CACNA2D1: variants seen among roughly 807,000 people sequenced by gnomAD.
The protein encoded by CACNA2D1 is calcium voltage-gated channel auxiliary subunit alpha2delta 1.
Under a neutral mutation model 171.5 loss-of-function variants are expected in CACNA2D1, and 53 were observed. That is an observed-to-expected ratio of 0.31 (90% CI 0.25 to 0.39). CACNA2D1 has a LOEUF of 0.39. Among genes scored for constraint, CACNA2D1 ranks in the 10% least tolerant of loss-of-function variants. The pLI, the probability that CACNA2D1 is intolerant of heterozygous loss-of-function variation, is 1.00. For synonymous variants in CACNA2D1, 442 were observed against 443.1 expected (o/e 1.00, Z 0.03); for missense variants, 903 against 1,299.8 (o/e 0.69, Z 4.69).
intron 3 of CACNA2D1, among the ~76,000 whole-genome samples, chr7:82,241,534 A>G (rs77612801): frequency 6.6e-6 from 1 of 152,272 alleles, no homozygotes; most frequent in East Asian, 1.9e-4. Flanking sequence ...TGTGGGATCA[A>G]TTTGGGGATT....
At chr7:81,952,714 C>T (rs1199176340) in intron 38 of CACNA2D1, among the ~76,000 whole-genome samples, 1 of 152,090 alleles carries the variant, frequency 6.6e-6, no homozygotes, top group African/African-American at 2.4e-5. Flanking sequence ...ACTTCTCTCT[C>T]CTTTCTTCTT....
intron 3 of CACNA2D1, among the ~76,000 whole-genome samples, chr7:82,203,094 G>T (rs1563197294): frequency 6.6e-6 from 1 of 152,278 alleles, no homozygotes; most frequent in East Asian, 1.9e-4. Context: ...CATGCAGGGA[G>T]TATAAAGCCT....
intron 1 of CACNA2D1, among the ~76,000 whole-genome samples, chr7:82,401,148 C>T (rs1346543987): frequency 2.0e-5 from 3 of 152,252 alleles, no homozygotes; most frequent in South Asian, 2.1e-4. Context: ...GTCAGTGTGG[C>T]GATTCCTCAG....
chr7:81,971,841 C>G lies in CACNA2D1; in HGVS notation c.2077G>C (p.Val693Leu). Residue 693 changes from valine (V) to leucine (L), a missense_variant, in exon 26 of 39, where the codon GTC (valine) becomes CTC (leucine). Val to Leu is a conservative substitution (Grantham distance 32). Transcript: ENST00000356860. ...PSCNADLINR[V>L]LLDAGFTNEL... ...TTTGTAAAGCCTGCATCAAGCAAGA[C>G]TCTATTAATCAAATCCGCGTTACCT... is the stretch of plus-strand genomic sequence containing the variant. 1 of 1,607,394 alleles carries G rather than the reference C, an allele frequency of 6.2e-7. No homozygotes were observed. Among genetic ancestry groups the G allele is most frequent in the Non-Finnish European group, 8.5e-7 (1 of 1,174,684 alleles).
chr7:82,401,597 C>G (rs920601121), intron 1 of CACNA2D1, among the ~76,000 whole-genome samples: 1 of 150,908 alleles, frequency 6.6e-6, no homozygotes, highest in African/African-American at 2.4e-5. Flanking sequence ...AGGAGATATA[C>G]CTAATGCTAG....
At chr7:82,329,135 A>G (rs1816985714) in intron 3 of CACNA2D1, among the ~76,000 whole-genome samples, 2 of 152,202 alleles carry the variant, frequency 1.3e-5, no homozygotes, top group Admixed American at 1.3e-4. Context: ...AAAGAAAAAA[A>G]AAACTATTTG....
At chr7:82,256,764 G>A (rs1368221637) in intron 3 of CACNA2D1, among the ~76,000 whole-genome samples, 1 of 152,118 alleles carries the variant, frequency 6.6e-6, no homozygotes, top group Non-Finnish European at 1.5e-5. Flanking sequence ...ATCATATTCT[G>A]ACAAAAGGAA....
At chr7:82,186,480 C>A (rs909169856) in intron 3 of CACNA2D1, among the ~76,000 whole-genome samples, 1 of 152,068 alleles carries the variant, frequency 6.6e-6, no homozygotes, top group African/African-American at 2.4e-5. Context: ...TGTTACAGAG[C>A]AAAGTTAAGG....
intron 3 of CACNA2D1, among the ~76,000 whole-genome samples, chr7:82,266,483 G>A (rs1807866697): frequency 6.6e-6 from 1 of 152,092 alleles, no homozygotes; most frequent in East Asian, 1.9e-4. Context: ...GTAGGTCAGT[G>A]CTTCCTAACA....
At chr7:82,318,568 C>T (rs1452125666) in intron 3 of CACNA2D1, among the ~76,000 whole-genome samples, 1 of 152,170 alleles carries the variant, frequency 6.6e-6, no homozygotes, top group African/African-American at 2.4e-5. Context: ...AATAAAAAGG[C>T]TAGACCCCTT....
At chr7:82,349,850 G>A (rs1030472771) in intron 1 of CACNA2D1, among the ~76,000 whole-genome samples, 1 of 152,186 alleles carries the variant, frequency 6.6e-6, no homozygotes, top group African/African-American at 2.4e-5. Flanking sequence ...AGGCTTTCAG[G>A]ATGCTGAAAT....
intron 10 of CACNA2D1, among the ~76,000 whole-genome samples, chr7:82,057,750 T>C (rs532364283): frequency 6.6e-6 from 1 of 152,086 alleles, no homozygotes; most frequent in Non-Finnish European, 1.5e-5. Flanking sequence ...AACCATGGAT[T>C]CATAGGCCCC....
intron 1 of CACNA2D1, among the ~76,000 whole-genome samples, chr7:82,373,441 C>T (rs1822644575): frequency 6.6e-6 from 1 of 152,188 alleles, no homozygotes; most frequent in African/African-American, 2.4e-5. Flanking sequence ...AAGCAAGCCT[C>T]AACCTTTATA....
At chr7:82,352,338 A>G (rs886992603) in intron 1 of CACNA2D1, among the ~76,000 whole-genome samples, 1 of 152,214 alleles carries the variant, frequency 6.6e-6, no homozygotes, top group African/African-American at 2.4e-5. Context: ...AAACACTCAT[A>G]TGAGCAAAAA....
chr7:82,417,441 G>C (rs2129456427), intron 1 of CACNA2D1, among the ~76,000 whole-genome samples: 1 of 152,288 alleles, frequency 6.6e-6, no homozygotes, highest in South Asian at 2.1e-4. Context: ...TGTTTTAATA[G>C]CATACTCGTT....
At chr7:82,087,707 C>T (rs1810642281) in intron 6 of CACNA2D1, among the ~76,000 whole-genome samples, 1 of 152,102 alleles carries the variant, frequency 6.6e-6, no homozygotes, top group South Asian at 2.1e-4. Flanking sequence ...CTATATTACT[C>T]TGGTACCTTG....
chr7:82,046,743 C>T (rs1443517839), intron 10 of CACNA2D1, among the ~76,000 whole-genome samples: 2 of 152,018 alleles, frequency 1.3e-5, no homozygotes, highest in Non-Finnish European at 2.9e-5. Context: ...ATACAATTCC[C>T]TATAATTATA....
intron 3 of CACNA2D1, among the ~76,000 whole-genome samples, chr7:82,172,713 C>T (rs923745892): frequency 7.5e-6 from 1 of 133,774 alleles, no homozygotes; most frequent in Middle Eastern, 4.7e-3. Context: ...GCTGGTATTA[C>T]ACACATGAGC....
At chr7:81,972,170 TTATTTCTG>T (rs1443752451) in intron 25 of CACNA2D1, among the ~76,000 whole-genome samples, 1 of 151,548 alleles carries the variant, frequency 6.6e-6, no homozygotes, top group Non-Finnish European at 1.5e-5. Flanking sequence ...GTGTTTTTGT[TTATTTCTG>T]TATGGTAGCA....
Sources: gnomAD v4.1 joint callset for allele counts (sites outside exome capture counted in the v4.1 genomes callset) on GRCh38, gnomAD v4.1.1 for gene constraint, MANE v1.5 for transcripts, NCBI Gene and HGNC (gene_info 2026-07-23, HGNC 2026-07-21) for gene names.